ETFA: variants seen among roughly 807,000 people sequenced by gnomAD.
The protein encoded by ETFA is electron transfer flavoprotein subunit alpha.
ETFA carries 22 observed loss-of-function variants against 46.2 expected under a neutral mutation model. The observed-to-expected ratio is 0.48, with a 90% CI of 0.34 to 0.68. ETFA has a LOEUF of 0.68. ETFA is among the 30% of genes least tolerant of loss of function. The pLI, the probability that ETFA is intolerant of heterozygous loss-of-function variation, is 0.01. For synonymous variants in ETFA, 131 were observed against 139.9 expected (o/e 0.94, Z 0.45); for missense variants, 345 against 401.1 (o/e 0.86, Z 1.19).
chr15:76,226,171 GTTC>G (rs1275671183), intron 10 of ETFA: 3 of 396,212 alleles, frequency 7.6e-6, no homozygotes, highest in Admixed American at 4.2e-5. Context: ...TTTTTTAAAA[GTTC>G]TTCTTTTGAC....
At chr15:76,289,064 C>T (rs979530792) in intron 4 of ETFA, among the ~76,000 whole-genome samples, 10 of 152,018 alleles carry the variant, frequency 6.6e-5, no homozygotes, top group South Asian at 2.1e-4. Flanking sequence ...GGACTACAGG[C>T]GCACGCTACT....
intron 7 of ETFA, 151 bp from the exon 8 acceptor site, chr15:76,283,976 A>G: frequency 1.6e-6 from 1 of 622,790 alleles, no homozygotes; most frequent in Non-Finnish European, 2.9e-6. Context: ...CTGGCCTCTG[A>G]CACTCCTATA....
At chr15:76,304,912 G>A (rs138139478) in intron 1 of ETFA, among the ~76,000 whole-genome samples, 4,735 of 151,812 alleles carry the variant, frequency 0.031, 106 homozygotes, top group South Asian at 0.054. Flanking sequence ...GCGTGGTGGC[G>A]GGCACCTGTA....
chr15:76,288,094 C>G, intron 4 of ETFA, 149 bp from the exon 5 acceptor site: 1 of 641,596 alleles, frequency 1.6e-6, no homozygotes, highest in Admixed American at 2.3e-5. Flanking sequence ...TACACAACTT[C>G]AAGCACAGCT....
At chr15:76,263,646 G>A (rs989231708) in intron 9 of ETFA, among the ~76,000 whole-genome samples, 50 of 152,248 alleles carry the variant, frequency 3.3e-4, no homozygotes, top group African/African-American at 1.1e-3. Flanking sequence ...GGGAGACAAC[G>A]GGAAGAGATT....
rs1304936214 is a variant in ETFA at position 76,274,501 on chromosome 15, G to A, written c.734-7C>T. On this transcript the variant is annotated splice_polypyrimidine_tract_variant and splice_region_variant and intron_variant, in intron 8 of 11. Transcript: ENST00000557943. ...GCAGCACGGGAAGCACCAACTAAGG[G>A]GAAAAAATATTTGTCATTTTTTTCA... 1 of 1,600,770 alleles carries A rather than the reference G, an allele frequency of 6.2e-7. No homozygotes were observed. Among genetic ancestry groups the A allele is most frequent in the Non-Finnish European group, 8.5e-7 (1 of 1,171,580 alleles).
At chr15:76,230,933 A>G (rs76155326) in intron 10 of ETFA, 3,239 of 179,072 alleles carry the variant, frequency 0.018, 109 homozygotes, top group African/African-American at 0.074. Context: ...AGGGATCAAA[A>G]CCTCAAAAAT....
chr15:76,224,598 A>C (rs1486855076), intron 11 of ETFA, among the ~76,000 whole-genome samples: 1 of 152,204 alleles, frequency 6.6e-6, no homozygotes, highest in Admixed American at 6.5e-5. Flanking sequence ...GTGCTGGTGA[A>C]GTCACAGAAA....
At chr15:76,297,347 G>C (rs1467385591) in intron 1 of ETFA, among the ~76,000 whole-genome samples, 1 of 151,018 alleles carries the variant, frequency 6.6e-6, no homozygotes, top group Non-Finnish European at 1.5e-5. Flanking sequence ...TTTTGGAAAG[G>C]ACTTTGTAAT....
At chr15:76,216,693 C>T in intron 11 of ETFA, 96 bp from the exon 12 acceptor site, 1 of 842,280 alleles carries the variant, frequency 1.2e-6, no homozygotes, top group Middle Eastern at 2.2e-4. Context: ...AAAGAAACAA[C>T]ACAAATCACT....
chr15:76,256,101 T>C (rs1381931145), intron 9 of ETFA, among the ~76,000 whole-genome samples: 1 of 151,514 alleles, frequency 6.6e-6, no homozygotes, highest in Non-Finnish European at 1.5e-5. Flanking sequence ...CCACTAAAAA[T>C]ACAAAAATTA....
rs1596224493 is a variant in ETFA at position 76,295,791 on chromosome 15, T to TG, written c.40-55_40-54insC. 7.5e-6 allele frequency: 11 copies of TG among 1,458,916 alleles called. No homozygotes were observed. In the East Asian group the frequency reaches 2.4e-4, roughly 32 times the overall value. The allele number at this position is 1,458,916 out of a possible 1,614,324, so 90.4% of individuals were successfully genotyped here. On this transcript the variant is annotated intron_variant, in intron 1 of 11. Coordinates refer to ENST00000557943, the MANE Select transcript of ETFA (RefSeq NM_000126.4). ...GTAAAGAATGTTGTCACAGGGTTTT[T>TG]TTTTTTTTTTTTACTAATTGTTAAG...
chr15:76,307,695 G>C (rs2039951829), intron 1 of ETFA, among the ~76,000 whole-genome samples: 1 of 151,758 alleles, frequency 6.6e-6, no homozygotes. Context: ...TGTTGCGCAG[G>C]CTGGTCTCGA....
intron 9 of ETFA, among the ~76,000 whole-genome samples, chr15:76,268,106 TA>T (rs1160743413): frequency 7.3e-5 from 11 of 151,358 alleles, no homozygotes; most frequent in Non-Finnish European, 1.5e-4. Context: ...TTACCAATGG[TA>T]ACTTTTACCC....
At chr15:76,264,384 T>C (rs866163896) in intron 9 of ETFA, among the ~76,000 whole-genome samples, 5 of 152,168 alleles carry the variant, frequency 3.3e-5, no homozygotes, top group East Asian at 1.9e-4. Flanking sequence ...TTGGCCCTAA[T>C]TGGGGTCGAT....
chr15:76,261,080 T>G, intron 9 of ETFA: 1 of 1,528,192 alleles, frequency 6.5e-7, no homozygotes, highest in Non-Finnish European at 9.1e-7. Flanking sequence ...AGGCCAGGCA[T>G]TTTAGGCTGT....
chr15:76,222,779 G>C (rs883993), intron 11 of ETFA, among the ~76,000 whole-genome samples: 43,515 of 151,912 alleles, frequency 0.29, 6,663 homozygotes, highest in East Asian at 0.56. Context: ...TGGTAACAAA[G>C]AGGAGTCTGC....
chr15:76,263,710 T>C (rs918426544), intron 9 of ETFA, among the ~76,000 whole-genome samples: 1 of 152,134 alleles, frequency 6.6e-6, no homozygotes, highest in African/African-American at 2.4e-5. Flanking sequence ...TTGGTCAGTG[T>C]GGGCACTAAT....
At chr15:76,233,095 T>G (rs2039085922) in intron 9 of ETFA, among the ~76,000 whole-genome samples, 1 of 152,172 alleles carries the variant, frequency 6.6e-6, no homozygotes. Context: ...GTAATAAGAC[T>G]GTGTCTTAGG....
Sources: allele counts gnomAD v4.1 joint callset (sites outside exome capture counted in the v4.1 genomes callset), GRCh38; gene constraint gnomAD v4.1.1; transcripts MANE v1.5; gene names NCBI Gene and HGNC (gene_info 2026-07-23, HGNC 2026-07-21).